The following RPRD1B variants were observed in gnomAD, a reference collection of about 807,000 sequenced individuals.
RPRD1B encodes the protein regulation of nuclear pre-mRNA domain containing 1B, also known as regulation of nuclear pre-mRNA domain-containing protein 1B.
Under a neutral mutation model 41.5 loss-of-function variants are expected in RPRD1B, and 11 were observed. That is an observed-to-expected ratio of 0.27 (90% CI 0.17 to 0.44). The LOEUF (loss-of-function observed/expected upper bound fraction) is 0.44. RPRD1B is among the 20% of genes least tolerant of loss of function. RPRD1B has a pLI of 1.00. For synonymous variants in RPRD1B, 158 were observed against 155.6 expected (o/e 1.02, Z -0.12); for missense variants, 248 against 389.9 (o/e 0.64, Z 3.06).
intron 6 of RPRD1B, among the ~76,000 whole-genome samples, chr20:38,074,002 A>G (rs1378293898): frequency 6.6e-6 from 1 of 152,192 alleles, no homozygotes; most frequent in Non-Finnish European, 1.5e-5. Flanking sequence ...GTCAGCACCC[A>G]GGTTGTTAGA....
In RPRD1B at chr20:38,036,264, G is replaced by T. The variant is rs571872902; in HGVS notation, c.151+2166G>T. 7.1e-4 allele frequency among the ~76,000 whole-genome samples: 108 copies of T among 152,338 alleles called. 1 individual carries two copies. The highest frequency in any genetic ancestry group is 2.6e-3 in the African/African-American group (107 of 41,574). On this transcript the variant is annotated intron_variant, in intron 1 of 6. Transcript: ENST00000373433. ...GATGATAAAGGTATAGAGGGATTAAGTGCCTTGTCCACAGACATACAGCTA... is the reference window on the plus strand; with the variant it reads ...GATGATAAAGGTATAGAGGGATTAATTGCCTTGTCCACAGACATACAGCTA...
intron 6 of RPRD1B, 36 bp downstream of exon 6, chr20:38,066,292 T>G: frequency 1.3e-6 from 2 of 1,592,206 alleles, no homozygotes; most frequent in Non-Finnish European, 1.7e-6. Context: ...ACTGCCCACG[T>G]TTCCCTTCCT....
Position 38,089,965 on chromosome 20 carries a change from A to G in RPRD1B, c.*90A>G. The G allele has an allele frequency of 2.0e-6, 3 of 1,529,920 alleles. No homozygotes were observed. Among genetic ancestry groups the G allele is most frequent in the East Asian group, 2.3e-5 (1 of 44,262 alleles). 94.8% of individuals were successfully genotyped at this position (1,529,920 alleles called of 1,614,324 possible). On this transcript the variant is annotated 3_prime_UTR_variant, in exon 7 of 7. Transcript: ENST00000373433. ...AAATAACCTTCTAGCCCCTGGTTCT[A>G]TCCCTTCTTCCGCCCAGCCCCCCAG...
chr20:38,079,818 T>G (rs1015608157), intron 6 of RPRD1B, among the ~76,000 whole-genome samples: 5 of 152,234 alleles, frequency 3.3e-5, no homozygotes, highest in African/African-American at 1.2e-4. Flanking sequence ...CCACAGTAGC[T>G]GAACTAATTT....
Position 38,067,495 on chromosome 20 carries a change from TGAG to T in RPRD1B, c.831+1240_831+1242del, listed in dbSNP as rs542865276. 2.6e-4 allele frequency among the ~76,000 whole-genome samples: 39 copies of T among 152,320 alleles called. 2 individuals carry two copies. The South Asian group carries it at 7.5e-3, about 29-fold the overall frequency. ...GCTCTGGCACAGAAGGAGGGAACAT[TGAG>T]CTATCTCTGAGGCTGAGATCATTGT... is the stretch of plus-strand genomic sequence containing the variant. On this transcript the variant is annotated intron_variant, in intron 6 of 6. Coordinates refer to ENST00000373433, the MANE Select transcript of RPRD1B (RefSeq NM_021215.4).
At chr20:38,050,015 T>G (rs1315693317) in intron 3 of RPRD1B, among the ~76,000 whole-genome samples, 4 of 152,230 alleles carry the variant, frequency 2.6e-5, no homozygotes, top group Admixed American at 1.3e-4. Context: ...CACTGTGTGA[T>G]GAACTCATTC....
chr20:38,034,073 C>T lies in RPRD1B; in HGVS notation c.126C>T (p.Ser42=), dbSNP rs760932270. The T allele has an allele frequency of 1.9e-6, 3 of 1,613,978 alleles. No individual in the cohort carries two copies. The highest frequency in any genetic ancestry group is 2.5e-6 in the Non-Finnish European group (3 of 1,179,890). The change falls in exon 1 of 7, where the codon TCC becomes TCT. Residue 42 remains serine, a synonymous_variant. Coordinates refer to ENST00000373433, the MANE Select transcript of RPRD1B (RefSeq NM_021215.4). Reference sequence around the variant, plus strand: ...GCAAGCACGCGGGACCCATCGTCTCCGTGTGGCACCGCGAGCTCCGCAAAG... The same window carrying T: ...GCAAGCACGCGGGACCCATCGTCTCTGTGTGGCACCGCGAGCTCCGCAAAG... ...HHRKHAGPIV[S]VWHRELRKAK...
intron 6 of RPRD1B, among the ~76,000 whole-genome samples, chr20:38,066,671 T>A (rs2074360130): frequency 6.6e-6 from 1 of 152,246 alleles, no homozygotes; most frequent in Non-Finnish European, 1.5e-5. Context: ...TCTTTTTTTT[T>A]TTGAGACGCA....
chr20:38,062,011 G>T lies in RPRD1B; in HGVS notation c.655+2491G>T, dbSNP rs116699144. 4.0e-3 allele frequency among the ~76,000 whole-genome samples: 610 copies of T among 152,272 alleles called. 6 individuals are homozygous for T. The highest frequency in any genetic ancestry group is 0.014 in the African/African-American group (578 of 41,556). On this transcript the variant is annotated intron_variant, in intron 5 of 6. Coordinates refer to ENST00000373433, the MANE Select transcript of RPRD1B (RefSeq NM_021215.4). Reference sequence around the variant, plus strand: ...TAAGAGGGCCCAGTGTAATCACAGGGTCCTTGTAAGAGGAAGGTGGGAGAG... The same window carrying T: ...TAAGAGGGCCCAGTGTAATCACAGGTTCCTTGTAAGAGGAAGGTGGGAGAG...
chr20:38,081,444 C>A (rs1167639532), intron 6 of RPRD1B, among the ~76,000 whole-genome samples: 1 of 152,074 alleles, frequency 6.6e-6, no homozygotes, highest in African/African-American at 2.4e-5. Flanking sequence ...GAACTAGGAG[C>A]CTTTGGGTAG....
At chr20:38,081,196 G>A (rs954589768) in intron 6 of RPRD1B, among the ~76,000 whole-genome samples, 2 of 152,210 alleles carry the variant, frequency 1.3e-5, no homozygotes, top group Non-Finnish European at 2.9e-5. Flanking sequence ...TCCTATCCAT[G>A]AGCATAGAAG....
At chr20:38,068,122 AG>A (rs1465004085) in intron 6 of RPRD1B, among the ~76,000 whole-genome samples, 1 of 152,170 alleles carries the variant, frequency 6.6e-6, no homozygotes, top group Non-Finnish European at 1.5e-5. Context: ...ACGCCACGAG[AG>A]GGCATTAAGG....
intron 2 of RPRD1B, among the ~76,000 whole-genome samples, chr20:38,045,084 T>A (rs1172837228): frequency 6.6e-6 from 1 of 152,230 alleles, no homozygotes; most frequent in Non-Finnish European, 1.5e-5. Flanking sequence ...TTTTTCACTC[T>A]TAAAGGTCAG....
intron 6 of RPRD1B, among the ~76,000 whole-genome samples, chr20:38,080,138 T>C (rs1216788302): frequency 1.3e-5 from 2 of 152,258 alleles, no homozygotes; most frequent in Non-Finnish European, 2.9e-5. Context: ...TGGCATAGTT[T>C]GCAAATATTT....
intron 6 of RPRD1B, among the ~76,000 whole-genome samples, chr20:38,086,896 C>T (rs2074566070): frequency 6.6e-6 from 1 of 152,140 alleles, no homozygotes; most frequent in East Asian, 1.9e-4. Flanking sequence ...CCCCGTACCC[C>T]ACCCTATACC....
intron 1 of RPRD1B, among the ~76,000 whole-genome samples, chr20:38,036,182 G>A (rs531850551): frequency 2.0e-5 from 3 of 152,212 alleles, no homozygotes; most frequent in South Asian, 2.1e-4. Context: ...CTAATCTTAC[G>A]TGGTAAAGCC....
At chr20:38,078,104 G>A (rs946119501) in intron 6 of RPRD1B, among the ~76,000 whole-genome samples, 2 of 151,692 alleles carry the variant, frequency 1.3e-5, no homozygotes, top group African/African-American at 4.8e-5. Context: ...GGAGGTGAAG[G>A]CTGCAATGAG....
intron 5 of RPRD1B, among the ~76,000 whole-genome samples, chr20:38,059,828 T>A (rs1279030574): frequency 1.3e-5 from 2 of 152,124 alleles, no homozygotes; most frequent in Middle Eastern, 3.2e-3. Context: ...TGGGGGAGAT[T>A]AGGTATTATT....
rs1223412526 is a variant in RPRD1B, at chr20:38,091,333, C to T, written c.*1458C>T. 1.1e-6 allele frequency: 1 copy of T among 926,938 alleles called. No individual in the cohort carries two copies. The highest frequency in any genetic ancestry group is 1.8e-5 in the African/African-American group (1 of 56,300). The allele number at this position is 926,938 out of a possible 1,614,324, so 57.4% of individuals were successfully genotyped here. A position where few individuals can be genotyped will look rare whatever the true frequency, so the allele number is the denominator to read the frequency against. ...ACATGTTAAACACATTGAAACATAACCTATGTTTATAAAGCATAACGGGCT... is the reference window on the plus strand; with the variant it reads ...ACATGTTAAACACATTGAAACATAATCTATGTTTATAAAGCATAACGGGCT... On this transcript the variant is annotated 3_prime_UTR_variant, in exon 7 of 7. Transcript: ENST00000373433.
Sources: gnomAD v4.1 joint callset for allele counts (sites outside exome capture counted in the v4.1 genomes callset) on GRCh38, gnomAD v4.1.1 for gene constraint, MANE v1.5 for transcripts, NCBI Gene and HGNC (gene_info 2026-07-23, HGNC 2026-07-21) for gene names.